The following TRABD variants were observed in gnomAD, a reference collection of about 807,000 sequenced individuals.
TRABD encodes traB domain-containing protein.
TRABD carries 23 observed loss-of-function variants against 39.6 expected under a neutral mutation model. The ratio of observed to expected loss-of-function variants is 0.58; its 90% CI spans 0.42 to 0.82. The LOEUF (loss-of-function observed/expected upper bound fraction) is 0.82. TRABD is among the 40% of genes least tolerant of loss of function. TRABD has a pLI of 0.00. For synonymous variants in TRABD, 243 were observed against 232.1 expected (o/e 1.05, Z -0.43); for missense variants, 487 against 544.9 (o/e 0.89, Z 1.06).
At chr22:50,197,665 A>G (rs1602468287) in intron 7 of TRABD, 77 bp downstream of exon 7, 1 of 1,586,336 alleles carries the variant, frequency 6.3e-7, no homozygotes, top group African/African-American at 1.3e-5. Context: ...TGCAGGTCCA[A>G]GCGCAGCCAA....
rs770565217 is a variant in TRABD, at chr22:50,198,009, G to A, written c.844+14G>A. 1.6e-5 allele frequency: 25 copies of A among 1,610,470 alleles called. No homozygotes were observed. Among genetic ancestry groups the A allele is most frequent in the Middle Eastern group, 1.6e-4 (1 of 6,080 alleles). ...GGGCCTCTGACGGTGACGGCCGCCC[G>A]CAGGCGTGGGACCCCCTGTGAGGCT... On this transcript the variant is annotated intron_variant, in intron 8 of 9. Transcript: ENST00000380909. The surrounding 1 kb of genome is among the most constrained non-coding windows in gnomAD (Gnocchi z 7.9).
At chr22:50,190,831 A>G (rs564390229) in intron 1 of TRABD, among the ~76,000 whole-genome samples, 1 of 152,194 alleles carries the variant, frequency 6.6e-6, no homozygotes, top group Non-Finnish European at 1.5e-5. Flanking sequence ...TGGAGCTTTC[A>G]CCTACAAAAG....
chr22:50,194,573 G>T (rs1350445076), intron 4 of TRABD, 67 bp downstream of exon 4: 9 of 1,543,998 alleles, frequency 5.8e-6, no homozygotes, highest in East Asian at 2.4e-5. Flanking sequence ...TGCACTCAGG[G>T]ACCTCCCGGC....
chr22:50,187,670 C>T (rs2063795164), intron 1 of TRABD, among the ~76,000 whole-genome samples: 1 of 152,170 alleles, frequency 6.6e-6, no homozygotes, highest in Non-Finnish European at 1.5e-5. Context: ...GCATCACAGA[C>T]CAGGAAACTT....
chr22:50,193,740 G>A, intron 3 of TRABD, 86 bp downstream of exon 3: 1 of 1,352,978 alleles, frequency 7.4e-7, no homozygotes, highest in South Asian at 1.2e-5. Context: ...CCACTGCCAG[G>A]GGCTTGGAGC....
chr22:50,185,928 G>A lies in TRABD; in HGVS notation c.-83G>A, dbSNP rs956272708. 10 of 149,454 alleles carry A rather than the reference G, an allele frequency of 6.7e-5. No homozygotes were observed. The highest frequency in any genetic ancestry group is 2.4e-4 in the African/African-American group (10 of 41,080). The allele number at this position is 149,454 out of a possible 1,614,324, so 9.3% of individuals were successfully genotyped here. On this transcript the variant is annotated 5_prime_UTR_variant, in exon 1 of 10. Coordinates refer to ENST00000380909, the MANE Select transcript of TRABD (RefSeq NM_001320485.2). ...GCCCCAGCCCGCCCCGTCCGTTGAG[G>A]GCCCGCGCCGCATGGAGGCCGGCTG...
Position 50,189,000 on chromosome 22 carries a change from C to T in TRABD, c.-35+3024C>T, listed in dbSNP as rs146228358. ...GCACAGAGGATCATGGTTTCCAAAG[C>T]CAGATATCCCTTTTTACAGATGAGG... On this transcript the variant is annotated intron_variant, in intron 1 of 9. Coordinates refer to ENST00000380909, the MANE Select transcript of TRABD (RefSeq NM_001320485.2). 2.1e-3 allele frequency among the ~76,000 whole-genome samples: 320 copies of T among 152,328 alleles called. 1 individual carries two copies. The highest frequency in any genetic ancestry group is 7.4e-3 in the African/African-American group (309 of 41,574).
At position 50,197,488 on chromosome 22, in the gene TRABD, C is replaced by T. The variant is rs201324715; in HGVS notation, c.571C>T (p.Arg191Ter). The T allele has an allele frequency of 1.2e-6, 2 of 1,613,832 alleles. No individual in the cohort carries two copies. Among genetic ancestry groups the T allele is most frequent in the Non-Finnish European group, 1.7e-6 (2 of 1,180,014 alleles). The change falls in exon 7 of 10, where the codon CGA becomes TGA. Residue 191 changes from arginine (R) to a stop codon, truncating the protein, a stop_gained. Coordinates refer to ENST00000380909, the MANE Select transcript of TRABD (RefSeq NM_001320485.2). LOFTEE classifies it high-confidence loss of function. ...VPFCKFHLGD[R>*]PIPVTFKRAI... ...TTTCTGCAAGTTCCACCTGGGTGAC[C>T]GACCCATCCCCGTCACCTTCAAGAG...
intron 5 of TRABD, among the ~76,000 whole-genome samples, chr22:50,196,691 A>G (rs4084289): frequency 0.8 from 121,023 of 151,712 alleles, 49,082 homozygotes; most frequent in African/African-American, 0.95. Flanking sequence ...ACTGCCTCAT[A>G]AAGGCCTTTT....
rs2064177370 is a variant in TRABD, at chr22:50,197,903, T to C, written c.752T>C (p.Leu251Pro). 6.2e-7 allele frequency: 1 copy of C among 1,612,604 alleles called. No homozygotes were observed. Among genetic ancestry groups the C allele is most frequent in the South Asian group, 1.1e-5 (1 of 91,034 alleles). Residue 251 changes from leucine to proline, a missense_variant, in exon 8 of 10, where the codon CTG becomes CCG. Leu to Pro is a moderately conservative substitution (Grantham distance 98). Transcript: ENST00000380909. ...MAEMIGEFPD[L>P]HRTIVSERDV... ...GAGATGATTGGCGAGTTCCCAGACC[T>C]GCACCGCACCATCGTCTCGGAGCGC...
rs968094924 is a variant in TRABD at position 50,185,940 on chromosome 22, A to T, written c.-71A>T. Reference sequence around the variant, plus strand: ...CCCGTCCGTTGAGGGCCCGCGCCGCATGGAGGCCGGCTGAGGAGCGCCGCT... The same window carrying T: ...CCCGTCCGTTGAGGGCCCGCGCCGCTTGGAGGCCGGCTGAGGAGCGCCGCT... On this transcript the variant is annotated 5_prime_UTR_variant, in exon 1 of 10. An upstream start codon of the reference 5' UTR is lost. Transcript: ENST00000380909. The T allele has an allele frequency of 4.0e-5, 6 of 148,358 alleles. No homozygotes were observed. In the East Asian group the frequency reaches 6.0e-4, roughly 15 times the overall value. 9.2% of individuals were successfully genotyped at this position (148,358 alleles called of 1,614,324 possible). A position where few individuals can be genotyped will look rare whatever the true frequency, so the allele number is the denominator to read the frequency against.
rs1430161625 is a variant in TRABD, at chr22:50,194,226, T to A, written c.113-114T>A. On this transcript the variant is annotated intron_variant, in intron 3 of 9. Coordinates refer to ENST00000380909, the MANE Select transcript of TRABD (RefSeq NM_001320485.2). The stretch of plus-strand genomic sequence containing the variant: ...GACGCTCGTCAGGAGTCTTGTGCTC[T>A]GCACCTGTTCAGTTCTCAGAACCCA... The A allele has an allele frequency of 7.4e-6, 10 of 1,344,506 alleles. No individual in the cohort carries two copies. The African/African-American group carries it at 1.5e-4, about 20-fold the overall frequency. The allele number at this position is 1,344,506 out of a possible 1,614,324, so 83.3% of individuals were successfully genotyped here.
chr22:50,194,933 G>A lies in TRABD; in HGVS notation c.313G>A (p.Val105Met), dbSNP rs1424601421. 2.6e-5 allele frequency: 42 copies of A among 1,612,822 alleles called. No individual in the cohort carries two copies. Among genetic ancestry groups the A allele is most frequent in the Admixed American group, 3.3e-5 (2 of 59,988 alleles). Residue 105 changes from valine to methionine, a missense_variant, in exon 5 of 10, where the codon GTG (valine) becomes ATG (methionine). Val to Met is a conservative substitution (Grantham distance 21, BLOSUM62 1). Transcript: ENST00000380909. ...IREVQPDVVV[V>M]ELCQYRVSML... is the part of the protein sequence containing the mutation. ...GGAGGTGCAGCCTGACGTGGTGGTCGTGGAGCTCTGCCAATATCGTGTGTC... is the reference window on the plus strand; with the variant it reads ...GGAGGTGCAGCCTGACGTGGTGGTCATGGAGCTCTGCCAATATCGTGTGTC...
intron 1 of TRABD, among the ~76,000 whole-genome samples, chr22:50,189,746 TGTGCTGGCCGG>T (rs1404059357): frequency 2.7e-5 from 4 of 149,274 alleles, no homozygotes; most frequent in Non-Finnish European, 5.9e-5. Context: ...GGCTGCAGTG[TGTGCTGGCCGG>T]ACCCCAGGTG....
chr22:50,198,997 G>A lies in TRABD; in HGVS notation c.*478G>A, dbSNP rs1602478507. ...CCCTGGAGCTCCAGCCGACCCCACC[G>A]TGCCCCTGGCATCCTGGCCCTGGCC... is the stretch of plus-strand genomic sequence containing the variant. On this transcript the variant is annotated 3_prime_UTR_variant, in exon 10 of 10. Coordinates refer to ENST00000380909, the MANE Select transcript of TRABD (RefSeq NM_001320485.2). This position sits in a 1 kb window ranked among gnomAD's most constrained non-coding sequence, Gnocchi z 7.9. The A allele has an allele frequency of 1.1e-5, 7 of 652,882 alleles. No individual in the cohort carries two copies. The highest frequency in any genetic ancestry group is 3.6e-4 in the Middle Eastern group (1 of 2,792). The allele number at this position is 652,882 out of a possible 1,614,324, so 40.4% of individuals were successfully genotyped here. A position where few individuals can be genotyped will look rare whatever the true frequency, so the allele number is the denominator to read the frequency against.
intron 1 of TRABD, among the ~76,000 whole-genome samples, chr22:50,189,580 G>C (rs1156322392): frequency 6.6e-6 from 1 of 152,270 alleles, no homozygotes; most frequent in Non-Finnish European, 1.5e-5. Context: ...GGGGATTTGG[G>C]AAGGAGAGAT....
intron 5 of TRABD, among the ~76,000 whole-genome samples, chr22:50,196,378 C>T (rs1006020051): frequency 6.6e-6 from 1 of 152,224 alleles, no homozygotes; most frequent in Non-Finnish European, 1.5e-5. Flanking sequence ...AGGCCCAGAC[C>T]GTCCCTGGGC....
chr22:50,198,546 C>G lies in TRABD; in HGVS notation c.*27C>G, dbSNP rs775863815. ...AGACTGCTCCCCGCCCGCTCGGGCC[C>G]CTGAGGAGCCAGTGCCCCCGCGGCA... is the stretch of plus-strand genomic sequence containing the variant. On this transcript the variant is annotated 3_prime_UTR_variant, in exon 10 of 10. Coordinates refer to ENST00000380909, the MANE Select transcript of TRABD (RefSeq NM_001320485.2). This position sits in a 1 kb window ranked among gnomAD's most constrained non-coding sequence, Gnocchi z 7.9. The G allele has an allele frequency of 6.7e-5, 100 of 1,487,726 alleles. No homozygotes were observed. The highest frequency in any genetic ancestry group is 8.6e-5 in the Non-Finnish European group (97 of 1,123,764). 92.2% of individuals were successfully genotyped at this position (1,487,726 alleles called of 1,614,324 possible). A position where few individuals can be genotyped will look rare whatever the true frequency, so the allele number is the denominator to read the frequency against.
chr22:50,199,296 T>G lies in TRABD; in HGVS notation c.*777T>G. The G allele has an allele frequency of 1.7e-6, 1 of 584,688 alleles. No individual in the cohort carries two copies. 36.2% of individuals were successfully genotyped at this position (584,688 alleles called of 1,614,324 possible). ...CCGGAGCGAAGGGGTGCCTGGGGCA[T>G]CTTGGCCCTCTCTGGGCAGACAATG... On this transcript the variant is annotated 3_prime_UTR_variant, in exon 10 of 10. Transcript: ENST00000380909.
Sources: allele counts gnomAD v4.1 joint callset (sites outside exome capture counted in the v4.1 genomes callset), GRCh38; gene constraint gnomAD v4.1.1; non-coding constraint Gnocchi (gnomAD v3.1); transcripts MANE v1.5; gene names NCBI Gene and HGNC (gene_info 2026-07-23, HGNC 2026-07-21).